CRPPA: variants seen among roughly 807,000 people sequenced by gnomAD.
The protein encoded by CRPPA is CDP-L-ribitol pyrophosphorylase A.
CRPPA carries 43 observed loss-of-function variants against 52.0 expected under a neutral mutation model. The ratio of observed to expected loss-of-function variants is 0.83; its 90% CI spans 0.65 to 1.07. CRPPA has a LOEUF of 1.07. CRPPA is among the 50% of genes least tolerant of loss of function. The probability of loss-of-function intolerance (pLI) is 0.00; values close to 1 mark genes in which losing one functional copy is unlikely to be tolerated. For missense variants in CRPPA, 629 were observed against 551.7 expected (o/e 1.14, Z -1.40); for synonymous variants, 250 against 203.5 (o/e 1.23, Z -1.94).
chr7:16,247,031 A>T (rs775087889), intron 8 of CRPPA, among the ~76,000 whole-genome samples: 1 of 152,368 alleles, frequency 6.6e-6, no homozygotes, highest in South Asian at 2.1e-4. Flanking sequence ...TCTCATCTAC[A>T]TTGAAAAATC....
At chr7:16,398,510 G>C (rs182425444) in intron 2 of CRPPA, among the ~76,000 whole-genome samples, 2 of 152,210 alleles carry the variant, frequency 1.3e-5, no homozygotes, top group African/African-American at 4.8e-5. Context: ...GCACGTGATT[G>C]GCATAGGTCC....
intron 9 of CRPPA, among the ~76,000 whole-genome samples, chr7:16,125,644 A>G (rs1414470546): frequency 6.6e-6 from 1 of 152,132 alleles, no homozygotes. Context: ...AGTGTCACAA[A>G]TCCTAAGTAT....
At position 16,243,252 on chromosome 7, in the gene CRPPA, C is replaced by A. The variant is rs1020236850; in HGVS notation, c.1119+15138G>T. 5.9e-5 allele frequency among the ~76,000 whole-genome samples: 9 copies of A among 152,236 alleles called. No individual in the cohort carries two copies. The East Asian group carries it at 1.7e-3, about 29-fold the overall frequency. On this transcript the variant is annotated intron_variant, in intron 8 of 9. Transcript: ENST00000407010. ...TGAAGAAGGTGCCTGCTTCTCCTTC[C>A]ACCATGATTGTAAGTTTCCTGAAGC... is the stretch of plus-strand genomic sequence containing the variant.
At chr7:16,385,177 A>G (rs1158344492) in intron 2 of CRPPA, among the ~76,000 whole-genome samples, 1 of 152,198 alleles carries the variant, frequency 6.6e-6, no homozygotes, top group African/African-American at 2.4e-5. Context: ...AAAGGACACC[A>G]TTAAGTACAC....
intron 2 of CRPPA, among the ~76,000 whole-genome samples, chr7:16,399,941 T>A (rs1787759020): frequency 6.6e-6 from 1 of 152,012 alleles, no homozygotes; most frequent in Non-Finnish European, 1.5e-5. Context: ...TGACCATATG[T>A]GACACGTGAC....
intron 1 of CRPPA, among the ~76,000 whole-genome samples, chr7:16,419,481 T>A (rs1008062523): frequency 3.3e-5 from 5 of 152,298 alleles, no homozygotes; most frequent in Admixed American, 3.3e-4. Context: ...CCAGTCTGCC[T>A]TCACAGGACT....
chr7:16,153,425 A>G (rs1783116063), intron 9 of CRPPA, among the ~76,000 whole-genome samples: 1 of 152,080 alleles, frequency 6.6e-6, no homozygotes. Context: ...TCAGTAGCCT[A>G]TGAACTCTAA....
chr7:16,181,005 A>T (rs1035480540), intron 9 of CRPPA, among the ~76,000 whole-genome samples: 1 of 152,020 alleles, frequency 6.6e-6, no homozygotes, highest in Admixed American at 6.6e-5. Flanking sequence ...ACATGATTAG[A>T]AAAGCTACAC....
chr7:16,384,939 A>C (rs1463572562), intron 2 of CRPPA, among the ~76,000 whole-genome samples: 1 of 152,224 alleles, frequency 6.6e-6, no homozygotes, highest in African/African-American at 2.4e-5. Context: ...AGGAAATTAC[A>C]CTTAAAGCAG....
chr7:16,205,514 C>T (rs1472493180), intron 9 of CRPPA, among the ~76,000 whole-genome samples: 1 of 152,132 alleles, frequency 6.6e-6, no homozygotes, highest in Admixed American at 6.5e-5. Flanking sequence ...ACGATACCTT[C>T]ATTATTAAAA....
chr7:16,199,897 G>T (rs544019620), intron 9 of CRPPA, among the ~76,000 whole-genome samples: 1 of 133,546 alleles, frequency 7.5e-6, no homozygotes, highest in African/African-American at 2.9e-5. Flanking sequence ...TGCTCTTGTC[G>T]CCCAGGCTGG....
chr7:16,349,841 G>A (rs577999508), intron 3 of CRPPA, among the ~76,000 whole-genome samples: 37 of 151,480 alleles, frequency 2.4e-4, no homozygotes, highest in Non-Finnish European at 4.6e-4. Context: ...AAAACATATT[G>A]AAAAAAAATA....
chr7:16,383,251 G>C (rs1787161112), intron 2 of CRPPA, among the ~76,000 whole-genome samples: 1 of 152,152 alleles, frequency 6.6e-6, no homozygotes, highest in African/African-American at 2.4e-5. Context: ...GTTTGCTAGA[G>C]GTCCACTCTA....
chr7:16,234,559 AACT>A (rs1393205646), intron 8 of CRPPA, among the ~76,000 whole-genome samples: 2 of 152,262 alleles, frequency 1.3e-5, no homozygotes, highest in East Asian at 1.9e-4. Flanking sequence ...AAAAACTCAC[AACT>A]ACTATTATTC....
intron 9 of CRPPA, among the ~76,000 whole-genome samples, chr7:16,127,849 G>C (rs181782226): frequency 3.9e-5 from 6 of 152,182 alleles, no homozygotes; most frequent in Admixed American, 2.0e-4. Flanking sequence ...CATTTTAATA[G>C]CTAATGTTAT....
chr7:16,278,222 T>C lies in CRPPA; in HGVS notation c.840A>G (p.Arg280=), dbSNP rs148054819. ...LYAAESIIKE[R]ISQEICVVMD... Reference sequence around the variant, plus strand: ...TAACTACACAAATCTCTTGGGAAATTCTCTCTGAAATTAAAAAAAAAAAGT... The same window carrying C: ...TAACTACACAAATCTCTTGGGAAATCCTCTCTGAAATTAAAAAAAAAAAGT... Residue 280 remains arginine, a synonymous_variant, in exon 6 of 10, where the codon AGA becomes AGG. Coordinates refer to ENST00000407010, the MANE Select transcript of CRPPA (RefSeq NM_001101426.4). The C allele has an allele frequency of 1.4e-5, 21 of 1,523,890 alleles. No homozygotes were observed. The Middle Eastern group carries it at 5.3e-4, about 39-fold the overall frequency. 94.4% of individuals were successfully genotyped at this position (1,523,890 alleles called of 1,614,324 possible).
At chr7:16,256,694 A>T (rs1178185751) in intron 8 of CRPPA, among the ~76,000 whole-genome samples, 2 of 152,128 alleles carry the variant, frequency 1.3e-5, no homozygotes, top group Non-Finnish European at 2.9e-5. Context: ...GTTCTCACTC[A>T]TAAGTGGTAG....
chr7:16,249,419 G>A (rs555871742), intron 8 of CRPPA, among the ~76,000 whole-genome samples: 7 of 152,288 alleles, frequency 4.6e-5, no homozygotes, highest in South Asian at 2.1e-4. Context: ...CCTGACACCC[G>A]CGTAGCCTGA....
intron 8 of CRPPA, 35 bp from the exon 9 acceptor site, chr7:16,216,232 T>C (rs1176366551): frequency 1.4e-6 from 2 of 1,400,602 alleles, no homozygotes; most frequent in Admixed American, 2.3e-5. Context: ...TAGAATATCA[T>C]TCCCTTCAAC....
Sources: gnomAD v4.1 joint callset for allele counts (sites outside exome capture counted in the v4.1 genomes callset) on GRCh38, gnomAD v4.1.1 for gene constraint, MANE v1.5 for transcripts, NCBI Gene and HGNC (gene_info 2026-07-23, HGNC 2026-07-21) for gene names.